The following MOCS1 variants were observed in gnomAD, a reference collection of about 807,000 sequenced individuals.
The protein encoded by MOCS1 is molybdenum cofactor biosynthesis protein 1.
In MOCS1, 39 loss-of-function variants were observed where a neutral mutation model predicts 57.6. The observed-to-expected ratio is 0.68, with a 90% CI of 0.52 to 0.88. The LOEUF (loss-of-function observed/expected upper bound fraction) is 0.88, where lower values mean the gene tolerates loss of function less well. Among genes scored for constraint, MOCS1 ranks in the 40% least tolerant of loss-of-function variants. MOCS1 has a pLI of 0.00. For synonymous variants in MOCS1, 334 were observed against 335.7 expected (o/e 1.00, Z 0.05); for missense variants, 795 against 831.1 (o/e 0.96, Z 0.53).
At chr6:39,920,001 A>T (rs1767875860) in intron 3 of MOCS1, among the ~76,000 whole-genome samples, 1 of 152,222 alleles carries the variant, frequency 6.6e-6, no homozygotes, top group Non-Finnish European at 1.5e-5. Flanking sequence ...CAATCATTAC[A>T]CATGGTGTAA....
At chr6:39,925,596 C>A (rs1031898371) in intron 3 of MOCS1, 82 bp downstream of exon 3, 2 of 1,500,346 alleles carry the variant, frequency 1.3e-6, no homozygotes, top group East Asian at 4.5e-5. Flanking sequence ...TGAATGTCAG[C>A]TGCCACTGTT....
At position 39,905,873 on chromosome 6, in the gene MOCS1, A is replaced by C. The variant is rs1766874217; in HGVS notation, c.*484T>G. 2.1e-6 allele frequency: 1 copy of C among 470,304 alleles called. No individual in the cohort carries two copies. Among genetic ancestry groups the C allele is most frequent in the Non-Finnish European group, 4.4e-6 (1 of 227,324 alleles). The allele number at this position is 470,304 out of a possible 1,614,324, so 29.1% of individuals were successfully genotyped here. On this transcript the variant is annotated 3_prime_UTR_variant, in exon 11 of 11. Transcript: ENST00000340692. ...CGGCTTCACAGACTTAGGGAGGCAG[A>C]GCTGCCGGGGAGAAGTTGGGATCCA...
rs777549348 is a variant in MOCS1, at chr6:39,934,247, G to A, written c.123+48C>T. 7.4e-6 allele frequency: 11 copies of A among 1,496,484 alleles called. No homozygotes were observed. The African/African-American group carries it at 1.1e-4, about 15-fold the overall frequency. The allele number at this position is 1,496,484 out of a possible 1,614,324, so 92.7% of individuals were successfully genotyped here. ...CTGGGGGAAAAGGGCAGTGTGCCGG[G>A]GCCACTCCTGCCCCGGGAAGCTGTG... On this transcript the variant is annotated intron_variant, in intron 1 of 10. Transcript: ENST00000340692.
rs1454765465 is a variant in MOCS1, at chr6:39,905,970, C to T, written c.*387G>A. On this transcript the variant is annotated 3_prime_UTR_variant, in exon 11 of 11. Transcript: ENST00000340692. Reference sequence around the variant, plus strand: ...TGCTTAATGAGCGCTTAATCTCTCCCCAGGAAAGCAGGAGAAGAGAAAACC... The same window carrying T: ...TGCTTAATGAGCGCTTAATCTCTCCTCAGGAAAGCAGGAGAAGAGAAAACC... 2.2e-6 allele frequency: 1 copy of T among 464,156 alleles called. No homozygotes were observed. The highest frequency in any genetic ancestry group is 2.4e-5 in the Admixed American group (1 of 42,224). 28.8% of individuals were successfully genotyped at this position (464,156 alleles called of 1,614,324 possible).
intron 1 of MOCS1, among the ~76,000 whole-genome samples, chr6:39,933,082 G>A (rs541339416): frequency 3.5e-5 from 5 of 142,466 alleles, no homozygotes; most frequent in Non-Finnish European, 8.0e-5. Context: ...GCCCTCTACA[G>A]CTCTGCGACT....
intron 1 of MOCS1, among the ~76,000 whole-genome samples, chr6:39,929,230 C>T (rs1457684976): frequency 7.2e-5 from 11 of 152,124 alleles, no homozygotes; most frequent in African/African-American, 2.7e-4. Context: ...CTCTAACTGC[C>T]GTCTGCTATA....
At position 39,906,200 on chromosome 6, in the gene MOCS1, C is replaced by A; in HGVS notation, c.*157G>T. The A allele has an allele frequency of 1.1e-6, 1 of 905,220 alleles. No individual in the cohort carries two copies. The highest frequency in any genetic ancestry group is 1.8e-6 in the Non-Finnish European group (1 of 548,540). The allele number at this position is 905,220 out of a possible 1,614,324, so 56.1% of individuals were successfully genotyped here. ...TTGGTCATTAGAGATCATCTAGCAG[C>A]AGGCCTGTTTGTTAGTAGTAGAGCA... On this transcript the variant is annotated 3_prime_UTR_variant, in exon 11 of 11. Coordinates refer to ENST00000340692, the MANE Select transcript of MOCS1 (RefSeq NM_001358530.2).
intron 4 of MOCS1, among the ~76,000 whole-genome samples, chr6:39,915,817 C>G (rs992798231): frequency 6.6e-6 from 1 of 152,140 alleles, no homozygotes; most frequent in South Asian, 2.1e-4. Context: ...CATTCTAAAA[C>G]CCCCTCAAGT....
chr6:39,926,849 T>C (rs751401608), intron 2 of MOCS1, among the ~76,000 whole-genome samples: 2 of 147,990 alleles, frequency 1.4e-5, no homozygotes, highest in Non-Finnish European at 3.0e-5. Context: ...AGAGCACTCT[T>C]TGGGAGGATT....
At position 39,906,447 on chromosome 6, in the gene MOCS1, CAT is replaced by C. The variant is rs766635662; in HGVS notation, c.1819_1820del (p.Met607ValfsTer17). The C allele has an allele frequency of 2.5e-6, 4 of 1,611,158 alleles. No homozygotes were observed. In the African/African-American group the frequency reaches 5.3e-5, roughly 22 times the overall value. On this transcript the variant is annotated frameshift_variant, in exon 11 of 11. Transcript: ENST00000340692. LOFTEE classifies it high-confidence loss of function. ...AAVAALTLYDMCKAVSRDIVL... is the reference protein window; with the variant it reads ...AAVAALTLYDXCKAVSRDIVL... ...CGATGTCCCTGCTGACAGCCTTGCA[CAT>C]GTCATACAGGGTGAGGGCGGCCACT...
chr6:39,910,921 T>C (rs1767288825), intron 8 of MOCS1, among the ~76,000 whole-genome samples: 1 of 152,052 alleles, frequency 6.6e-6, no homozygotes, highest in Admixed American at 6.6e-5. Flanking sequence ...CCTGCTTTGA[T>C]GTATCTGGCA....
intron 1 of MOCS1, 85 bp downstream of exon 1, chr6:39,934,210 G>A (rs1768789801): frequency 2.1e-6 from 3 of 1,444,666 alleles, no homozygotes; most frequent in Non-Finnish European, 1.8e-6. Context: ...CAAGCAGATA[G>A]GCCGGGAGCT....
Position 39,905,798 on chromosome 6 carries a change from T to A in MOCS1, c.*559A>T. The A allele has an allele frequency of 2.1e-6, 1 of 470,940 alleles. No individual in the cohort carries two copies. 29.2% of individuals were successfully genotyped at this position (470,940 alleles called of 1,614,324 possible). A position where few individuals can be genotyped will look rare whatever the true frequency, so the allele number is the denominator to read the frequency against. On this transcript the variant is annotated 3_prime_UTR_variant, in exon 11 of 11. Coordinates refer to ENST00000340692, the MANE Select transcript of MOCS1 (RefSeq NM_001358530.2). Reference sequence around the variant, plus strand: ...CTGCAAGTCTGATGGGACACAGACTTGGGCAGAAGGAGAGATGAAGTCAGG... The same window carrying A: ...CTGCAAGTCTGATGGGACACAGACTAGGGCAGAAGGAGAGATGAAGTCAGG...
rs1181085757 is a variant in MOCS1 at position 39,905,725 on chromosome 6, C to G, written c.*632G>C. On this transcript the variant is annotated 3_prime_UTR_variant, in exon 11 of 11. Transcript: ENST00000340692. Reference sequence around the variant, plus strand: ...CACATCCTGTTTCAGAAGAGGGGGGCCAGAGGAAAAGGGGCCAGCAGGACC... The same window carrying G: ...CACATCCTGTTTCAGAAGAGGGGGGGCAGAGGAAAAGGGGCCAGCAGGACC... 1 of 470,792 alleles carries G rather than the reference C, an allele frequency of 2.1e-6. No individual in the cohort carries two copies. Among genetic ancestry groups the G allele is most frequent in the African/African-American group, 2.0e-5 (1 of 49,970 alleles). 29.2% of individuals were successfully genotyped at this position (470,792 alleles called of 1,614,324 possible). A position where few individuals can be genotyped will look rare whatever the true frequency, so the allele number is the denominator to read the frequency against.
At chr6:39,911,250 G>A (rs1025063526) in intron 8 of MOCS1, among the ~76,000 whole-genome samples, 4 of 152,134 alleles carry the variant, frequency 2.6e-5, no homozygotes, top group African/African-American at 9.7e-5. Context: ...AAGCTTTTCA[G>A]CAACCTGCTG....
At chr6:39,933,693 A>T (rs183166806) in intron 1 of MOCS1, among the ~76,000 whole-genome samples, 3 of 152,266 alleles carry the variant, frequency 2.0e-5, no homozygotes, top group Admixed American at 6.5e-5. Flanking sequence ...AACCCTAAAG[A>T]CAGAGGAATT....
chr6:39,930,842 G>A (rs550276147), intron 1 of MOCS1, among the ~76,000 whole-genome samples: 1 of 152,294 alleles, frequency 6.6e-6, no homozygotes, highest in East Asian at 1.9e-4. Context: ...TCTAGCTGTT[G>A]AGCAAGTCAC....
At chr6:39,910,985 G>A (rs1383808894) in intron 8 of MOCS1, among the ~76,000 whole-genome samples, 1 of 152,150 alleles carries the variant, frequency 6.6e-6, no homozygotes, top group Non-Finnish European at 1.5e-5. Flanking sequence ...CTCTTCTAAG[G>A]CTCCAGCCCT....
chr6:39,926,074 C>T (rs977727169), intron 2 of MOCS1, among the ~76,000 whole-genome samples: 1 of 152,230 alleles, frequency 6.6e-6, no homozygotes, highest in African/African-American at 2.4e-5. Context: ...CCAACACACA[C>T]AATCTGGCCA....
Sources: allele counts gnomAD v4.1 joint callset (sites outside exome capture counted in the v4.1 genomes callset), GRCh38; gene constraint gnomAD v4.1.1; transcripts MANE v1.5; gene names NCBI Gene and HGNC (gene_info 2026-07-23, HGNC 2026-07-21).